The following GRK4 variants were observed in gnomAD, a reference collection of about 807,000 sequenced individuals.
GRK4 encodes the protein G protein-coupled receptor kinase 4, also known as G protein-coupled receptor kinase 2-like.
Under a neutral mutation model 77.9 loss-of-function variants are expected in GRK4, and 73 were observed. The observed-to-expected ratio is 0.94, with a 90% CI of 0.78 to 1.14. GRK4 has a LOEUF of 1.14. Among genes scored for constraint, GRK4 ranks in the 50% most tolerant of loss-of-function variants. GRK4 has a pLI of 0.00. For missense variants in GRK4, 729 were observed against 700.2 expected (o/e 1.04, Z -0.46); for synonymous variants, 257 against 254.4 (o/e 1.01, Z -0.10).
chr4:3,029,533 A>C, intron 12 of GRK4, 124 bp downstream of exon 12: 1 of 758,004 alleles, frequency 1.3e-6, no homozygotes, highest in Non-Finnish European at 2.2e-6. Context: ...CCCACCTCCC[A>C]GGCCCTGCCC....
intron 1 of GRK4, among the ~76,000 whole-genome samples, chr4:2,979,273 A>G (rs1026680006): frequency 7.9e-5 from 12 of 150,998 alleles, no homozygotes; most frequent in Non-Finnish European, 1.8e-4. Flanking sequence ...GTGTGGTGGC[A>G]GGCGCCTGCA....
chr4:3,012,181 A>G (rs553986427), intron 7 of GRK4, among the ~76,000 whole-genome samples: 65 of 152,390 alleles, frequency 4.3e-4, no homozygotes, highest in South Asian at 2.7e-3. Context: ...ATAAAGAGAT[A>G]TGAAGAGATT....
intron 1 of GRK4, among the ~76,000 whole-genome samples, chr4:2,975,167 G>T (rs1720740204): frequency 6.6e-6 from 1 of 152,126 alleles, no homozygotes; most frequent in South Asian, 2.1e-4. Context: ...GCTGGGCGTG[G>T]TTGCGCGCAC....
In GRK4 at chr4:3,001,267, GTGTA is replaced by G. The variant is rs35570856; in HGVS notation, c.340-2950_340-2947del. On this transcript the variant is annotated intron_variant, in intron 4 of 15. Transcript: ENST00000398052. ...TATATACATATATGTATATATATGT[GTGTA>G]TGTATGTATGTATACACATACATAT... Among the ~76,000 whole-genome samples, 43 of 68,024 alleles carry G rather than the reference GTGTA, an allele frequency of 6.3e-4. 2 individuals carry two copies. Among genetic ancestry groups the G allele is most frequent in the South Asian group, 1.6e-3 (5 of 3,110 alleles). The allele number at this position is 68,024 out of a possible 152,430, so 44.6% of individuals were successfully genotyped here.
At chr4:2,979,537 A>C (rs1312576279) in intron 1 of GRK4, among the ~76,000 whole-genome samples, 2 of 152,184 alleles carry the variant, frequency 1.3e-5, no homozygotes, top group Non-Finnish European at 2.9e-5. Flanking sequence ...AACATGGAGA[A>C]ACCCTGTCTC....
At chr4:3,012,444 T>C (rs1165182283) in intron 7 of GRK4, among the ~76,000 whole-genome samples, 1 of 152,206 alleles carries the variant, frequency 6.6e-6, no homozygotes, top group Non-Finnish European at 1.5e-5. Flanking sequence ...ATATTAACAG[T>C]CATTATCTTG....
rs771757282 is a variant in GRK4, at chr4:3,001,326, T to TACACACAC, written c.340-2883_340-2876dup. The stretch of plus-strand genomic sequence containing the variant: ...GTATATATGTGTGTGTGAGTACATA[T>TACACACAC]ACACACACACACACACACACACACA... On this transcript the variant is annotated intron_variant, in intron 4 of 15. Coordinates refer to ENST00000398052, the MANE Select transcript of GRK4 (RefSeq NM_182982.3). 2.1e-4 allele frequency among the ~76,000 whole-genome samples: 24 copies of TACACACAC among 115,194 alleles called. 1 individual carries two copies. The highest frequency in any genetic ancestry group is 4.3e-3 in the Middle Eastern group (1 of 234). The allele number at this position is 115,194 out of a possible 152,430, so 75.6% of individuals were successfully genotyped here. A position where few individuals can be genotyped will look rare whatever the true frequency, so the allele number is the denominator to read the frequency against.
At chr4:3,029,764 T>C (rs7696040) in intron 12 of GRK4, among the ~76,000 whole-genome samples, 26,876 of 151,448 alleles carry the variant, frequency 0.18, 3,648 homozygotes, top group African/African-American at 0.38. Context: ...AACCTGTCTC[T>C]TGGCCCAGCA....
chr4:2,986,354 C>CTTTTTTTTTTTTTTTTT (rs36001597), intron 2 of GRK4, among the ~76,000 whole-genome samples: 2 of 73,282 alleles, frequency 2.7e-5, no homozygotes, highest in African/African-American at 5.6e-5. Context: ...AAGGTGTTAT[C>CTTTTTTTTTTTTTTTTT]TTTTTTTTTT....
intron 3 of GRK4, among the ~76,000 whole-genome samples, chr4:2,989,695 C>T (rs1725543730): frequency 6.6e-6 from 1 of 152,190 alleles, no homozygotes; most frequent in South Asian, 2.1e-4. Flanking sequence ...AACCCAGAAG[C>T]ATATGGAAGG....
At chr4:3,002,181 G>A (rs993405181) in intron 4 of GRK4, among the ~76,000 whole-genome samples, 7 of 152,150 alleles carry the variant, frequency 4.6e-5, no homozygotes, top group African/African-American at 7.2e-5. Flanking sequence ...AGACGTTCAC[G>A]GTGGTGCTGT....
chr4:2,990,246 C>CTTTTTTTTTTTTTTTTTT (rs71644371), intron 3 of GRK4, among the ~76,000 whole-genome samples: 1 of 70,716 alleles, frequency 1.4e-5, no homozygotes, highest in Admixed American at 1.6e-4. Flanking sequence ...TCTTCTTCTT[C>CTTTTTTTTTTTTTTTTTT]TTTTTTTTTT....
intron 4 of GRK4, among the ~76,000 whole-genome samples, chr4:3,001,800 T>C (rs916647983): frequency 2.0e-5 from 3 of 152,250 alleles, no homozygotes; most frequent in African/African-American, 4.8e-5. Context: ...TTTCAACTTA[T>C]GTTAGGAAAT....
chr4:3,039,527 A>T (rs905272532), intron 15 of GRK4, among the ~76,000 whole-genome samples: 12 of 151,892 alleles, frequency 7.9e-5, no homozygotes, highest in Non-Finnish European at 1.5e-4. Context: ...GTGAAACCCC[A>T]TCTCTACTAA....
chr4:2,981,243 G>A (rs1465484160), intron 1 of GRK4, among the ~76,000 whole-genome samples: 1 of 152,358 alleles, frequency 6.6e-6, no homozygotes, highest in African/African-American at 2.4e-5. Flanking sequence ...CCACAACGTG[G>A]TGAGTTGGGG....
chr4:3,024,873 AAAC>A (rs1009007240), intron 10 of GRK4, among the ~76,000 whole-genome samples: 40 of 152,120 alleles, frequency 2.6e-4, no homozygotes, highest in African/African-American at 8.9e-4. Context: ...ACAAACAAAC[AAAC>A]AACAACAACA....
At chr4:3,017,771 A>G (rs1215951647) in intron 8 of GRK4, among the ~76,000 whole-genome samples, 1 of 152,266 alleles carries the variant, frequency 6.6e-6, no homozygotes, top group Non-Finnish European at 1.5e-5. Flanking sequence ...AGCTGCAGGA[A>G]GAGCTTTTGA....
Position 3,013,690 on chromosome 4 carries a change from T to C in GRK4, c.603T>C (p.Val201=). The C allele has an allele frequency of 6.2e-7, 1 of 1,607,144 alleles. No homozygotes were observed. Among genetic ancestry groups the C allele is most frequent in the South Asian group, 1.1e-5 (1 of 89,304 alleles). The change falls in exon 8 of 16, where the codon GTT becomes GTC. Residue 201 remains valine (V), a splice_region_variant and synonymous_variant. Coordinates refer to ENST00000398052, the MANE Select transcript of GRK4 (RefSeq NM_182982.3). The part of the protein sequence containing the change: ...RVLGKGGFGE[V]CACQVRATGK... Reference sequence around the variant, plus strand: ...CTTTATTTTGCTGTTTAAACTAGGTTTGCGCCTGTCAAGTGCGAGCCACAG... The same window carrying C: ...CTTTATTTTGCTGTTTAAACTAGGTCTGCGCCTGTCAAGTGCGAGCCACAG...
chr4:3,019,945 A>G, intron 9 of GRK4, 114 bp downstream of exon 9: 2 of 985,160 alleles, frequency 2.0e-6, no homozygotes, highest in Non-Finnish European at 1.5e-6. Flanking sequence ...AATAGCTGGG[A>G]GGCCCTCGAT....
Sources: allele counts gnomAD v4.1 joint callset (sites outside exome capture counted in the v4.1 genomes callset), GRCh38; gene constraint gnomAD v4.1.1; transcripts MANE v1.5; gene names NCBI Gene and HGNC (gene_info 2026-07-23, HGNC 2026-07-21).